TMEM135: variants seen among roughly 807,000 people sequenced by gnomAD.
The protein encoded by TMEM135 is peroxisomal membrane protein 52.
In TMEM135, 30 loss-of-function variants were observed where a neutral mutation model predicts 60.3. The ratio of observed to expected loss-of-function variants is 0.50; its 90% confidence interval spans 0.37 to 0.68. The LOEUF is 0.68. Ranked by LOEUF, TMEM135 falls within the 30% of genes least tolerant of loss-of-function variation. The pLI is 0.00. For synonymous variants in TMEM135, 190 were observed against 186.7 expected, an observed-to-expected ratio of 1.02 and a Z score of -0.14; for missense variants, 468 against 548.8, an observed-to-expected ratio of 0.85 and a Z score of 1.47.
chr11:87,112,475 G>T (rs1050496063), intron 4 of TMEM135, among the ~76,000 whole-genome samples: 13 of 152,012 alleles, frequency 8.6e-5, no homozygotes, highest in Non-Finnish European at 1.8e-4. Context: ...CATGGCTATG[G>T]TTTATTATAA....
rs1219753605 is a variant in TMEM135, at chr11:87,321,372, C to T, written c.*39C>T. The T allele has an allele frequency of 1.2e-6, 2 of 1,610,872 alleles. No homozygotes were observed. The highest frequency in any genetic ancestry group is 1.7e-5 in the Admixed American group (1 of 59,928). ...TTATTAATGTGACTAAATGTTTCAT[C>T]TTGAAGAGTTAATTATGTTGAACAC... On this transcript the variant is annotated 3_prime_UTR_variant, in exon 15 of 15. Transcript: ENST00000305494.
At chr11:87,173,909 A>G (rs1306874216) in intron 5 of TMEM135, among the ~76,000 whole-genome samples, 1 of 152,148 alleles carries the variant, frequency 6.6e-6, no homozygotes, top group African/African-American at 2.4e-5. Context: ...TATCTCAGTA[A>G]TATACAAAAC....
chr11:87,078,935 G>A lies in TMEM135; in HGVS notation c.362+7320G>A, dbSNP rs564051686. On this transcript the variant is annotated intron_variant, in intron 3 of 14. Coordinates refer to ENST00000305494, the MANE Select transcript of TMEM135 (RefSeq NM_022918.4). ...CTGTGCCCAGCCCGTTGTGTTTTTG[G>A]TGTCGTATTTAAGAAATCATTACCA... Among the ~76,000 whole-genome samples the A allele has an allele frequency of 3.9e-5, 6 of 151,908 alleles. No homozygotes were observed. In the South Asian group the frequency reaches 1.2e-3, roughly 32 times the overall value.
At position 87,328,197 on chromosome 11, in the gene TMEM135, C is replaced by G. The variant is rs1305409841; in HGVS notation, c.*6864C>G. ...TTCTGTATAGATCAGATCTCAGTTT[C>G]ATTTCCCATTATATCCTTCTCTCTC... On this transcript the variant is annotated 3_prime_UTR_variant, in exon 15 of 15. Coordinates refer to ENST00000305494, the MANE Select transcript of TMEM135 (RefSeq NM_022918.4). 1 of 453,950 alleles carries G rather than the reference C, an allele frequency of 2.2e-6. No homozygotes were observed. Among genetic ancestry groups the G allele is most frequent in the Admixed American group, 2.4e-5 (1 of 42,542 alleles). The allele number at this position is 453,950 out of a possible 1,614,324, so 28.1% of individuals were successfully genotyped here.
chr11:87,169,638 T>C (rs980252496), intron 5 of TMEM135, among the ~76,000 whole-genome samples: 1 of 152,200 alleles, frequency 6.6e-6, no homozygotes, highest in Non-Finnish European at 1.5e-5. Flanking sequence ...CCTCACTCTC[T>C]TCTTGCTTGT....
At chr11:87,041,893 G>A (rs566009840) in intron 1 of TMEM135, among the ~76,000 whole-genome samples, 2 of 152,342 alleles carry the variant, frequency 1.3e-5, no homozygotes, top group South Asian at 4.1e-4. Flanking sequence ...GCAGTATGAG[G>A]ACTTCTTTAT....
chr11:87,248,976 G>C (rs1415525957), intron 6 of TMEM135, among the ~76,000 whole-genome samples: 1 of 152,084 alleles, frequency 6.6e-6, no homozygotes, highest in Non-Finnish European at 1.5e-5. Flanking sequence ...CAACTTTACT[G>C]AATTTGTTTA....
At chr11:87,299,945 G>A (rs1444054653) in intron 7 of TMEM135, among the ~76,000 whole-genome samples, 1 of 152,152 alleles carries the variant, frequency 6.6e-6, no homozygotes, top group Non-Finnish European at 1.5e-5. Context: ...TGGTGGGGGC[G>A]AGTGGGAATG....
At chr11:87,046,822 G>A (rs1949800664) in intron 1 of TMEM135, among the ~76,000 whole-genome samples, 1 of 152,196 alleles carries the variant, frequency 6.6e-6, no homozygotes, top group Admixed American at 6.5e-5. Context: ...TGAGGTGGTA[G>A]TGTTACTGAG....
chr11:87,294,181 A>T (rs865877074), intron 6 of TMEM135, among the ~76,000 whole-genome samples: 6 of 152,136 alleles, frequency 3.9e-5, no homozygotes, highest in Admixed American at 6.5e-5. Flanking sequence ...GTCTGTTTTC[A>T]TATCCTTTGC....
intron 6 of TMEM135, among the ~76,000 whole-genome samples, chr11:87,248,915 T>G (rs1282074445): frequency 6.6e-6 from 1 of 152,210 alleles, no homozygotes; most frequent in Non-Finnish European, 1.5e-5. Context: ...AGAATGTTCA[T>G]TGTTGGGATA....
chr11:87,231,591 G>A (rs935775975), intron 5 of TMEM135, among the ~76,000 whole-genome samples: 10 of 152,090 alleles, frequency 6.6e-5, no homozygotes, highest in African/African-American at 2.2e-4. Context: ...GTAAAATTTA[G>A]AATGGCTGAC....
chr11:87,326,429 C>A lies in TMEM135; in HGVS notation c.*5096C>A, dbSNP rs372601204. ...TATTAAACTTTTTCCAGTAGTTAAT[C>A]GATCTCTTAAATTAATTTTCTTTTC... is the stretch of plus-strand genomic sequence containing the variant. On this transcript the variant is annotated 3_prime_UTR_variant, in exon 15 of 15. Transcript: ENST00000305494. 1 of 454,036 alleles carries A rather than the reference C, an allele frequency of 2.2e-6. No individual in the cohort carries two copies. Among genetic ancestry groups the A allele is most frequent in the Non-Finnish European group, 4.4e-6 (1 of 226,794 alleles). 28.1% of individuals were successfully genotyped at this position (454,036 alleles called of 1,614,324 possible).
intron 4 of TMEM135, among the ~76,000 whole-genome samples, chr11:87,093,725 G>T (rs1857261256): frequency 6.6e-6 from 1 of 150,916 alleles, no homozygotes; most frequent in East Asian, 2.0e-4. Flanking sequence ...GTAGAGACGG[G>T]GTTTCACCAT....
chr11:87,254,908 G>T (rs1438610347), intron 6 of TMEM135, among the ~76,000 whole-genome samples: 1 of 152,108 alleles, frequency 6.6e-6, no homozygotes, highest in Non-Finnish European at 1.5e-5. Flanking sequence ...TAAGAGCCAA[G>T]GCAGGAGGAT....
At chr11:87,208,585 A>C (rs931149239) in intron 5 of TMEM135, among the ~76,000 whole-genome samples, 17 of 152,228 alleles carry the variant, frequency 1.1e-4, no homozygotes, top group African/African-American at 4.1e-4. Flanking sequence ...CCTACAACTC[A>C]TTGGCATTCC....
At chr11:87,101,773 G>A (rs759270675) in intron 4 of TMEM135, among the ~76,000 whole-genome samples, 1 of 152,118 alleles carries the variant, frequency 6.6e-6, no homozygotes, top group Non-Finnish European at 1.5e-5. Flanking sequence ...TTGGGAGTTC[G>A]AGACCAGCCT....
At chr11:87,175,137 A>C (rs1372365160) in intron 5 of TMEM135, among the ~76,000 whole-genome samples, 1 of 152,118 alleles carries the variant, frequency 6.6e-6, no homozygotes, top group Non-Finnish European at 1.5e-5. Context: ...GACTAATTAT[A>C]ATAATATCTT....
At chr11:87,267,846 G>A (rs760338924) in intron 6 of TMEM135, among the ~76,000 whole-genome samples, 7 of 151,912 alleles carry the variant, frequency 4.6e-5, no homozygotes, top group Admixed American at 2.0e-4. Flanking sequence ...GTGCCACCAC[G>A]ACGCCTGGAG....
Sources: allele counts gnomAD v4.1 joint callset (sites outside exome capture counted in the v4.1 genomes callset), GRCh38; gene constraint gnomAD v4.1.1; transcripts MANE v1.5; gene names NCBI Gene and HGNC (gene_info 2026-07-23, HGNC 2026-07-21).